Variants in AKAP7 observed in about 807,000 individuals in gnomAD.
AKAP7 encodes A kinase (PRKA) anchor protein 7.
A neutral mutation model predicts 39.5 loss-of-function variants in AKAP7; 39 were observed. That is an observed-to-expected ratio of 0.99 (90% CI 0.76 to 1.29). The LOEUF (loss-of-function observed/expected upper bound fraction) is 1.29. AKAP7 is among the 50% of genes most tolerant of loss of function. The probability of loss-of-function intolerance (pLI) is 0.00; values close to 1 mark genes in which losing one functional copy is unlikely to be tolerated. For missense variants in AKAP7, 414 were observed against 407.7 expected (o/e 1.02, Z -0.13); for synonymous variants, 140 against 139.1 (o/e 1.01, Z -0.05).
chr6:131,125,698 AC>A, the AKAP7 span, among the ~76,000 whole-genome samples: 1 of 152,186 alleles, frequency 6.6e-6, no homozygotes, highest in Non-Finnish European at 1.5e-5. Context: ...CTTTGTTCAA[AC>A]CTGAATTCTG....
chr6:131,165,789 C>T (rs373023537), intron 4 of AKAP7, among the ~76,000 whole-genome samples: 66 of 152,254 alleles, frequency 4.3e-4, no homozygotes, highest in African/African-American at 1.5e-3. Context: ...GAAGACAACT[C>T]ATTGATTACT....
At chr6:131,197,607 T>C in intron 5 of AKAP7, among the ~76,000 whole-genome samples, 1 of 152,314 alleles carries the variant, frequency 6.6e-6, no homozygotes, top group East Asian at 1.9e-4. Flanking sequence ...TGGCTTCTAT[T>C]GCATTGTTTT....
At chr6:131,231,821 T>A (rs1430482666) in intron 7 of AKAP7, among the ~76,000 whole-genome samples, 1 of 152,190 alleles carries the variant, frequency 6.6e-6, no homozygotes, top group Admixed American at 6.5e-5. Flanking sequence ...TCCAGTCTTG[T>A]TTCTTTTTGC....
At chr6:131,155,424 T>C (rs1230236483) in intron 2 of AKAP7, among the ~76,000 whole-genome samples, 4 of 152,226 alleles carry the variant, frequency 2.6e-5, no homozygotes, top group Non-Finnish European at 5.9e-5. Context: ...GTCTTATTAC[T>C]CTAAAGTATC....
intron 5 of AKAP7, among the ~76,000 whole-genome samples, chr6:131,179,487 T>C (rs1486052821): frequency 6.6e-6 from 1 of 152,176 alleles, no homozygotes; most frequent in African/African-American, 2.4e-5. Flanking sequence ...TATTGTCTAT[T>C]TGATTGACTA....
intron 7 of AKAP7, among the ~76,000 whole-genome samples, chr6:131,258,994 G>A (rs1332621635): frequency 6.6e-6 from 1 of 152,116 alleles, no homozygotes; most frequent in Non-Finnish European, 1.5e-5. Context: ...ATGGGAGAGG[G>A]AAGAAGGAAT....
intron 7 of AKAP7, among the ~76,000 whole-genome samples, chr6:131,263,081 C>T (rs990368472): frequency 1.3e-5 from 2 of 152,190 alleles, no homozygotes; most frequent in Non-Finnish European, 2.9e-5. Flanking sequence ...CAGAAAAGGG[C>T]AGTAGAGCCA....
chr6:131,265,968 G>A (rs1813764413), intron 7 of AKAP7, among the ~76,000 whole-genome samples: 1 of 152,168 alleles, frequency 6.6e-6, no homozygotes, highest in Admixed American at 6.5e-5. Flanking sequence ...AATACGTGTT[G>A]GAAAATACAA....
chr6:131,222,527 A>G (rs1809798794), intron 7 of AKAP7, among the ~76,000 whole-genome samples: 2 of 151,950 alleles, frequency 1.3e-5, no homozygotes, highest in South Asian at 4.2e-4. Flanking sequence ...ACTCATCTCA[A>G]AAAAAAAGAA....
rs561689881 is a variant in AKAP7 at position 131,262,562 on chromosome 6, A to T, written c.851-18968A>T. 8.8e-4 allele frequency among the ~76,000 whole-genome samples: 134 copies of T among 152,298 alleles called. No homozygotes were observed. In the Middle Eastern group the frequency reaches 0.01, roughly 12 times the overall value. ...GTATTTTTCACAATAAAATTCCATAATTTTTTACAAAGTATGCAAAGATAT... is the reference window on the plus strand; with the variant it reads ...GTATTTTTCACAATAAAATTCCATATTTTTTTACAAAGTATGCAAAGATAT... On this transcript the variant is annotated intron_variant, in intron 7 of 7. Transcript: ENST00000431975.
chr6:131,239,697 A>G (rs2128311749), intron 7 of AKAP7, among the ~76,000 whole-genome samples: 1 of 152,258 alleles, frequency 6.6e-6, no homozygotes, highest in African/African-American at 2.4e-5. Context: ...AGTTGATCAA[A>G]TCGGCTACTG....
chr6:131,246,432 A>G (rs542475156), intron 7 of AKAP7, among the ~76,000 whole-genome samples: 1 of 152,168 alleles, frequency 6.6e-6, no homozygotes, highest in African/African-American at 2.4e-5. Flanking sequence ...ATCATATCAG[A>G]TATTTTTCCT....
intron 6 of AKAP7, among the ~76,000 whole-genome samples, chr6:131,219,358 C>T (rs563585528): frequency 6.6e-6 from 1 of 151,286 alleles, no homozygotes; most frequent in East Asian, 1.9e-4. Flanking sequence ...TCCTTGGTAT[C>T]TCAACATTTT....
chr6:131,232,623 C>T (rs1430519125), intron 7 of AKAP7, among the ~76,000 whole-genome samples: 1 of 152,110 alleles, frequency 6.6e-6, no homozygotes, highest in African/African-American at 2.4e-5. Flanking sequence ...GCCTGGCCAA[C>T]ATGGCAAAAC....
the AKAP7 span, among the ~76,000 whole-genome samples, chr6:131,126,368 T>G: frequency 1.7e-4 from 26 of 152,180 alleles, no homozygotes; most frequent in Non-Finnish European, 4.4e-5. Flanking sequence ...GCGATGCAAA[T>G]GTTGAGTCGA....
intron 2 of AKAP7, among the ~76,000 whole-genome samples, chr6:131,153,241 G>C (rs1374732918): frequency 6.6e-6 from 1 of 152,016 alleles, no homozygotes; most frequent in Non-Finnish European, 1.5e-5. Flanking sequence ...TGGTAAAACT[G>C]TACTGTAGCA....
chr6:131,280,416 C>T (rs1202459153), intron 7 of AKAP7, among the ~76,000 whole-genome samples: 1 of 152,156 alleles, frequency 6.6e-6, no homozygotes, highest in African/African-American at 2.4e-5. Flanking sequence ...CAGTTCTCAC[C>T]CTTGGCATAC....
At chr6:131,227,397 G>C (rs1051347593) in intron 7 of AKAP7, among the ~76,000 whole-genome samples, 4 of 152,148 alleles carry the variant, frequency 2.6e-5, no homozygotes, top group African/African-American at 9.7e-5. Context: ...GAGTTGGTGA[G>C]GGGATGGACA....
At chr6:131,146,813 A>G (rs12196713) in intron 2 of AKAP7, among the ~76,000 whole-genome samples, 31,248 of 152,114 alleles carry the variant, frequency 0.21, 3,850 homozygotes, top group Non-Finnish European at 0.27. Context: ...TAGTTGTAGA[A>G]TCTGGTTTCT....
Sources: allele counts gnomAD v4.1 joint callset (sites outside exome capture counted in the v4.1 genomes callset), GRCh38; gene constraint gnomAD v4.1.1; transcripts MANE v1.5; gene names NCBI Gene and HGNC (gene_info 2026-07-23, HGNC 2026-07-21).